Variants in CAPN8 observed in about 807,000 individuals in gnomAD.
CAPN8 encodes the protein calpain-8.
In CAPN8, 87 loss-of-function variants were observed where a neutral mutation model predicts 80.9. That is an observed-to-expected ratio of 1.07 (90% CI 0.90 to 1.28). The LOEUF is 1.28. CAPN8 is among the 50% of genes most tolerant of loss of function. CAPN8 has a pLI of 0.00. For missense variants in CAPN8, 757 were observed against 702.0 expected (o/e 1.08, Z -0.89); for synonymous variants, 299 against 273.8 (o/e 1.09, Z -0.91).
chr1:223,664,692 C>G (rs139862811), intron 1 of CAPN8, among the ~76,000 whole-genome samples: 2,534 of 152,276 alleles, frequency 0.017, 77 homozygotes, highest in African/African-American at 0.056. Flanking sequence ...AATCCTAACA[C>G]TTTGGGAGGC....
chr1:223,641,072 G>T (rs1044377050), intron 2 of CAPN8, among the ~76,000 whole-genome samples: 5 of 152,242 alleles, frequency 3.3e-5, no homozygotes, highest in South Asian at 2.1e-4. Flanking sequence ...GGAATGGTTT[G>T]AGCGTCAAAG....
intron 2 of CAPN8, among the ~76,000 whole-genome samples, chr1:223,630,975 A>G (rs1409448821): frequency 6.6e-6 from 1 of 152,136 alleles, no homozygotes; most frequent in Non-Finnish European, 1.5e-5. Context: ...CCTGCTCGCA[A>G]CTGTCCTCCA....
chr1:223,554,071 T>A (rs1239992106), intron 13 of CAPN8, among the ~76,000 whole-genome samples, 171 bp from the exon 14 acceptor site: 1 of 152,196 alleles, frequency 6.6e-6, no homozygotes, highest in Admixed American at 6.5e-5. Flanking sequence ...GCAAAGGTCC[T>A]GGCCCCAGGG....
intron 2 of CAPN8, among the ~76,000 whole-genome samples, chr1:223,650,684 C>T (rs1464491664): frequency 2.0e-5 from 3 of 152,082 alleles, no homozygotes; most frequent in African/African-American, 7.2e-5. Flanking sequence ...GCCAACAATG[C>T]CGTTCCCCTT....
At chr1:223,645,107 G>C (rs1009885117) in intron 2 of CAPN8, among the ~76,000 whole-genome samples, 1 of 152,162 alleles carries the variant, frequency 6.6e-6, no homozygotes, top group Non-Finnish European at 1.5e-5. Flanking sequence ...GAGAGACCCT[G>C]GCAAACCACG....
chr1:223,551,426 C>A (rs1468569510), intron 14 of CAPN8, among the ~76,000 whole-genome samples: 10 of 152,280 alleles, frequency 6.6e-5, no homozygotes, highest in African/African-American at 1.7e-4. Flanking sequence ...CAGGCATGAG[C>A]CACCGTGCCC....
In CAPN8 at chr1:223,546,322, C is replaced by T. The variant is rs893228572; in HGVS notation, c.1765-1023G>A. Among the ~76,000 whole-genome samples the T allele has an allele frequency of 3.5e-4, 53 of 152,106 alleles. 1 individual carries two copies. Among genetic ancestry groups the T allele is most frequent in the Admixed American group, 3.3e-3 (51 of 15,266 alleles). ...ATTGCTTGAGCCCAGGAGTTTGAGG[C>T]TGCAGTGAGCTCAGATTATGCCTGT... On this transcript the variant is annotated intron_variant, in intron 16 of 20. Transcript: ENST00000366872.
At chr1:223,544,631 T>G (rs1656568655) in intron 18 of CAPN8, 141 bp downstream of exon 18, 1 of 1,162,676 alleles carries the variant, frequency 8.6e-7, no homozygotes, top group Admixed American at 2.4e-5. Flanking sequence ...GGGAAGGTAC[T>G]CAACAAAGCT....
chr1:223,663,615 A>G (rs1417429252), intron 1 of CAPN8, among the ~76,000 whole-genome samples: 3 of 152,240 alleles, frequency 2.0e-5, no homozygotes, highest in African/African-American at 7.2e-5. Flanking sequence ...TGGAAGCTCA[A>G]AAAAACTGTC....
Position 223,627,103 on chromosome 1 carries a change from C to T in CAPN8, c.615G>A (p.Glu205=), listed in dbSNP as rs1055932051. ...LAGGSTVEGF[E]DFTGGISEFY... Reference sequence around the variant, plus strand: ...ACTCAGAGATGCCACCTGTGAAATCCTCAAACCCCTCCACTGTGGAACCTC... The same window carrying T: ...ACTCAGAGATGCCACCTGTGAAATCTTCAAACCCCTCCACTGTGGAACCTC... Residue 205 remains glutamate (E), a synonymous_variant, in exon 5 of 21, where the codon GAG becomes GAA. Transcript: ENST00000366872. The T allele has an allele frequency of 5.4e-5, 84 of 1,552,220 alleles. No homozygotes were observed. Among genetic ancestry groups the T allele is most frequent in the Non-Finnish European group, 6.9e-5 (79 of 1,147,138 alleles).
intron 2 of CAPN8, among the ~76,000 whole-genome samples, chr1:223,639,633 C>A (rs1382660410): frequency 2.0e-5 from 3 of 152,258 alleles, no homozygotes; most frequent in Non-Finnish European, 2.9e-5. Context: ...CCTCTAAAAG[C>A]CCACGCTGCT....
intron 2 of CAPN8, among the ~76,000 whole-genome samples, chr1:223,651,082 C>T (rs746199691): frequency 3.3e-5 from 5 of 152,130 alleles, no homozygotes; most frequent in East Asian, 1.9e-4. Flanking sequence ...CCACATGGGG[C>T]GACCCTGAGA....
intron 17 of CAPN8, 144 bp downstream of exon 17, chr1:223,545,087 T>C: frequency 2.1e-6 from 3 of 1,438,722 alleles, no homozygotes; most frequent in Non-Finnish European, 2.8e-6. Flanking sequence ...TCTCATTGCC[T>C]TCTTGTTCCT....
At chr1:223,649,461 G>T (rs907388994) in intron 2 of CAPN8, among the ~76,000 whole-genome samples, 1 of 152,202 alleles carries the variant, frequency 6.6e-6, no homozygotes, top group African/African-American at 2.4e-5. Context: ...TCTCCTTCAT[G>T]ACCTGCTTCC....
chr1:223,665,308 A>G (rs1389879294), intron 1 of CAPN8, 102 bp downstream of exon 1: 1 of 878,670 alleles, frequency 1.1e-6, no homozygotes, highest in Non-Finnish European at 1.7e-6. Context: ...TGAGATCCAG[A>G]CACTTAGGGT....
At chr1:223,651,919 G>A (rs906677580) in intron 2 of CAPN8, among the ~76,000 whole-genome samples, 3 of 152,214 alleles carry the variant, frequency 2.0e-5, no homozygotes, top group Non-Finnish European at 4.4e-5. Context: ...GCTTGAATTT[G>A]CACAAAGAAA....
chr1:223,549,006 G>A (rs962134605), intron 16 of CAPN8, among the ~76,000 whole-genome samples: 1 of 151,704 alleles, frequency 6.6e-6, no homozygotes, highest in African/African-American at 2.4e-5. Flanking sequence ...AGAGTGTGGA[G>A]GGAGCAGGTG....
chr1:223,556,275 C>T (rs1656905014), intron 13 of CAPN8, among the ~76,000 whole-genome samples: 1 of 152,128 alleles, frequency 6.6e-6, no homozygotes, highest in African/African-American at 2.4e-5. Context: ...TACTGAGTCC[C>T]CTGAGGACAT....
At chr1:223,663,562 G>A (rs1658706617) in intron 1 of CAPN8, among the ~76,000 whole-genome samples, 1 of 152,130 alleles carries the variant, frequency 6.6e-6, no homozygotes, top group African/African-American at 2.4e-5. Context: ...GCTTCTCCCT[G>A]ACCACCTTTC....
Sources: allele counts gnomAD v4.1 joint callset (sites outside exome capture counted in the v4.1 genomes callset), GRCh38; gene constraint gnomAD v4.1.1; transcripts MANE v1.5; gene names NCBI Gene and HGNC (gene_info 2026-07-23, HGNC 2026-07-21).